TSNARE1: variants seen among roughly 807,000 people sequenced by gnomAD.
TSNARE1 encodes t-SNARE domain containing 1, also known as t-SNARE domain-containing protein 1.
TSNARE1 carries 49 observed loss-of-function variants against 62.0 expected under a neutral mutation model. The ratio of observed to expected loss-of-function variants is 0.79; its 90% CI spans 0.63 to 1.00. The LOEUF (loss-of-function observed/expected upper bound fraction) is 1.00, where lower values mean the gene tolerates loss of function less well. TSNARE1 is among the 50% of genes least tolerant of loss of function. The pLI, the probability that TSNARE1 is intolerant of heterozygous loss-of-function variation, is 0.00. For synonymous variants in TSNARE1, 328 were observed against 294.4 expected (o/e 1.11, Z -1.17); for missense variants, 755 against 700.1 (o/e 1.08, Z -0.88).
chr8:142,332,265 G>A (rs1005813654), intron 4 of TSNARE1, among the ~76,000 whole-genome samples: 22 of 152,182 alleles, frequency 1.4e-4, no homozygotes, highest in African/African-American at 3.1e-4. Context: ...ACTGGTTTCC[G>A]CACAATGCAG....
intron 12 of TSNARE1, among the ~76,000 whole-genome samples, chr8:142,235,145 G>T (rs773285991): frequency 2.6e-5 from 4 of 152,154 alleles, no homozygotes; most frequent in African/African-American, 4.8e-5. Context: ...TGCACTGAGC[G>T]CCCTGGGTGC....
intron 12 of TSNARE1, among the ~76,000 whole-genome samples, chr8:142,266,115 TA>T (rs1346060811): frequency 2.0e-5 from 3 of 152,242 alleles, no homozygotes; most frequent in Non-Finnish European, 4.4e-5. Flanking sequence ...TAGCACAGGC[TA>T]AAATTAATCA....
chr8:142,378,070 T>G (rs1478299443), intron 1 of TSNARE1, among the ~76,000 whole-genome samples: 2 of 152,188 alleles, frequency 1.3e-5, no homozygotes, highest in Non-Finnish European at 2.9e-5. Flanking sequence ...ATCCAGCCAC[T>G]GACACCCCCA....
chr8:142,223,129 T>TTCAC (rs147521506), intron 13 of TSNARE1, among the ~76,000 whole-genome samples: 53,959 of 63,280 alleles, frequency 0.85, 23,213 homozygotes, highest in Non-Finnish European at 0.88. Flanking sequence ...CATTCACTCA[T>TTCAC]TCACTCATTC....
chr8:142,223,155 C>CAAGT, intron 13 of TSNARE1, among the ~76,000 whole-genome samples: 1 of 137,232 alleles, frequency 7.3e-6, no homozygotes, highest in East Asian at 2.3e-4. Flanking sequence ...TCCACTCACT[C>CAAGT]ATTCACTCAC....
intron 13 of TSNARE1, among the ~76,000 whole-genome samples, chr8:142,225,284 G>C (rs1226517829): frequency 6.6e-6 from 1 of 152,064 alleles, no homozygotes; most frequent in African/African-American, 2.4e-5. Flanking sequence ...GGCTCTCCTG[G>C]TCTGGCTTCT....
At chr8:142,339,152 A>G (rs957101490) in intron 4 of TSNARE1, among the ~76,000 whole-genome samples, 1 of 152,172 alleles carries the variant, frequency 6.6e-6, no homozygotes, top group East Asian at 1.9e-4. Context: ...CAAAATCCAC[A>G]GAGCACCACT....
intron 12 of TSNARE1, among the ~76,000 whole-genome samples, chr8:142,245,265 G>A (rs182360543): frequency 2.0e-5 from 3 of 152,322 alleles, no homozygotes; most frequent in African/African-American, 7.2e-5. Flanking sequence ...AAGCAATTCA[G>A]TCTCAGCTGA....
chr8:142,405,552 C>T (rs1028265071), upstream of TSNARE1: 8 of 152,158 alleles, frequency 5.3e-5, no homozygotes, highest in African/African-American at 1.4e-4. Flanking sequence ...CCAAGGCCTT[C>T]GGAAGGAACG....
intron 6 of TSNARE1, among the ~76,000 whole-genome samples, chr8:142,328,795 G>C (rs1244575504): frequency 6.7e-6 from 1 of 149,306 alleles, no homozygotes; most frequent in Non-Finnish European, 1.5e-5. Flanking sequence ...CTCCAGCGTG[G>C]GGGTCTGTGA....
At position 142,252,277 on chromosome 8, in the gene TSNARE1, C is replaced by T. The variant is rs117670171; in HGVS notation, c.1446+22504G>A. ...TCATCTTCTTAAGCAGGCCTACATT[C>T]GTAATGCATGGGTTGCGGGTGGGAG... On this transcript the variant is annotated intron_variant, in intron 12 of 13. Transcript: ENST00000524325. Among the ~76,000 whole-genome samples, 588 of 152,314 alleles carry T rather than the reference C, an allele frequency of 3.9e-3. 1 individual carries two copies. The highest frequency in any genetic ancestry group is 0.023 in the East Asian group (120 of 5,170).
intron 10 of TSNARE1, among the ~76,000 whole-genome samples, chr8:142,299,878 G>C (rs1473922375): frequency 6.6e-6 from 1 of 152,174 alleles, no homozygotes; most frequent in African/African-American, 2.4e-5. Flanking sequence ...TTTGGCAGCA[G>C]GTATTATACA....
intron 12 of TSNARE1, among the ~76,000 whole-genome samples, chr8:142,268,892 T>C (rs1819282632): frequency 6.6e-6 from 1 of 152,264 alleles, no homozygotes. Flanking sequence ...AGGTCATCAA[T>C]GTCGGTGACG....
At chr8:142,279,841 G>C in intron 11 of TSNARE1, 1 of 1,025,564 alleles carries the variant, frequency 9.8e-7, no homozygotes, top group South Asian at 3.0e-5. Context: ...GGGGCGGGCT[G>C]TGGGGAAGGC....
At chr8:142,227,502 C>G (rs111300090) in intron 13 of TSNARE1, among the ~76,000 whole-genome samples, 2,039 of 150,934 alleles carry the variant, frequency 0.014, 43 homozygotes, top group African/African-American at 0.046. Flanking sequence ...TGCCCATAAC[C>G]CCAGTGACAG....
At chr8:142,392,586 T>G (rs1285588175) in intron 1 of TSNARE1, among the ~76,000 whole-genome samples, 1 of 152,146 alleles carries the variant, frequency 6.6e-6, no homozygotes, top group Non-Finnish European at 1.5e-5. Flanking sequence ...TCCACCCTCG[T>G]CTATGCCATC....
intron 1 of TSNARE1, among the ~76,000 whole-genome samples, chr8:142,379,700 G>A (rs1378021404): frequency 3.3e-5 from 5 of 152,234 alleles, no homozygotes; most frequent in East Asian, 1.9e-4. Context: ...CCAGTGCTCC[G>A]CCCAAGCCCC....
chr8:142,290,329 G>C (rs572517553), intron 10 of TSNARE1, among the ~76,000 whole-genome samples: 1 of 152,368 alleles, frequency 6.6e-6, no homozygotes, highest in East Asian at 1.9e-4. Context: ...GCAGCCAGAG[G>C]GCGGGAGAGC....
intron 13 of TSNARE1, among the ~76,000 whole-genome samples, chr8:142,214,730 G>A (rs1419582809): frequency 6.6e-6 from 1 of 152,132 alleles, no homozygotes; most frequent in Non-Finnish European, 1.5e-5. Context: ...AAGTGCCGTG[G>A]TCCTGAGGGT....
Sources: allele counts gnomAD v4.1 joint callset (sites outside exome capture counted in the v4.1 genomes callset), GRCh38; gene constraint gnomAD v4.1.1; transcripts MANE v1.5; gene names NCBI Gene and HGNC (gene_info 2026-07-23, HGNC 2026-07-21).